PLD5: variants seen among roughly 807,000 people sequenced by gnomAD.
PLD5 encodes the protein phospholipase D family member 5.
In PLD5, 36 loss-of-function variants were observed where a neutral mutation model predicts 61.1. The observed-to-expected ratio is 0.59, with a 90% CI of 0.45 to 0.78. The LOEUF (loss-of-function observed/expected upper bound fraction) is 0.78, where lower values mean the gene tolerates loss of function less well. PLD5 is among the 30% of genes least tolerant of loss of function. PLD5 has a pLI of 0.00. For synonymous variants in PLD5, 243 were observed against 242.8 expected (o/e 1.00, Z -0.01); for missense variants, 515 against 644.4 (o/e 0.80, Z 2.17).
chr1:242,354,917 A>G (rs1025163628), intron 1 of PLD5, among the ~76,000 whole-genome samples: 10 of 152,026 alleles, frequency 6.6e-5, no homozygotes, highest in African/African-American at 2.4e-4. Context: ...AATGTGGTGT[A>G]TCACATTTAA....
intron 4 of PLD5, among the ~76,000 whole-genome samples, chr1:242,236,143 A>G (rs963231265): frequency 1.3e-5 from 2 of 152,200 alleles, no homozygotes; most frequent in Non-Finnish European, 2.9e-5. Flanking sequence ...CAGTGAGAAG[A>G]TGGCTGTCTA....
At chr1:242,304,271 C>T (rs1208784957) in intron 2 of PLD5, among the ~76,000 whole-genome samples, 1 of 152,188 alleles carries the variant, frequency 6.6e-6, no homozygotes, top group Non-Finnish European at 1.5e-5. Flanking sequence ...TAAGTTTTCT[C>T]GTGAGTGCAC....
At chr1:242,325,329 T>C (rs1215927894) in intron 2 of PLD5, among the ~76,000 whole-genome samples, 4 of 144,254 alleles carry the variant, frequency 2.8e-5, no homozygotes, top group East Asian at 2.1e-4. Flanking sequence ...GCTGACTCCA[T>C]AGGTAAGGGT....
intron 2 of PLD5, among the ~76,000 whole-genome samples, chr1:242,307,828 A>G (rs1259463442): frequency 6.6e-6 from 1 of 152,140 alleles, no homozygotes; most frequent in African/African-American, 2.4e-5. Flanking sequence ...ACATGGATGG[A>G]TTTCTATCCC....
At chr1:242,242,076 T>C (rs429753) in intron 4 of PLD5, among the ~76,000 whole-genome samples, 23,055 of 146,876 alleles carry the variant, frequency 0.16, 2,278 homozygotes, top group Non-Finnish European at 0.23. Context: ...ATGTGGAGAA[T>C]TGACAAAATG....
rs372616965 is a variant in PLD5 at position 242,498,341 on chromosome 1, TA to T, written c.189+25746del. 1.5e-3 allele frequency among the ~76,000 whole-genome samples: 226 copies of T among 152,248 alleles called. 1 individual carries two copies. Among genetic ancestry groups the T allele is most frequent in the African/African-American group, 5.3e-3 (221 of 41,554 alleles). On this transcript the variant is annotated intron_variant, in intron 1 of 9. Transcript: ENST00000536534. ...AATATAGATAAGCAAAAGTAGAAAA[TA>T]AAAATTATTCCTCATCCCATTACTC... is the stretch of plus-strand genomic sequence containing the variant.
intron 1 of PLD5, among the ~76,000 whole-genome samples, chr1:242,417,136 T>C (rs73133708): frequency 0.037 from 5,702 of 152,156 alleles, 387 homozygotes; most frequent in African/African-American, 0.13. Flanking sequence ...CAAGTAATGA[T>C]CTGAAGCAGG....
At chr1:242,376,822 C>T in intron 1 of PLD5, 3 of 1,225,254 alleles carry the variant, frequency 2.4e-6, no homozygotes, top group East Asian at 2.6e-5. Context: ...ACAGCCTAGA[C>T]AGTACTGTTA....
chr1:242,330,874 T>A (rs1217015649), intron 2 of PLD5, among the ~76,000 whole-genome samples: 1 of 152,216 alleles, frequency 6.6e-6, no homozygotes. Flanking sequence ...GTTTTACAGA[T>A]GGGGAAATAT....
chr1:242,278,195 T>G (rs1381527988), intron 3 of PLD5, among the ~76,000 whole-genome samples: 1 of 151,382 alleles, frequency 6.6e-6, no homozygotes, highest in African/African-American at 2.4e-5. Context: ...CCTATTCGAG[T>G]GAAAGTACCA....
At chr1:242,327,638 C>A (rs1658882378) in intron 2 of PLD5, among the ~76,000 whole-genome samples, 1 of 152,078 alleles carries the variant, frequency 6.6e-6, no homozygotes, top group Non-Finnish European at 1.5e-5. Context: ...GGCAAAAAGG[C>A]CATCCTAAAA....
chr1:242,345,872 G>C (rs1660099379), intron 2 of PLD5, among the ~76,000 whole-genome samples: 1 of 151,584 alleles, frequency 6.6e-6, no homozygotes, highest in Admixed American at 6.6e-5. Context: ...GTGAAGTTAG[G>C]GGAAGCAAGA....
chr1:242,441,783 T>C (rs1386217972), intron 1 of PLD5, among the ~76,000 whole-genome samples: 1 of 152,004 alleles, frequency 6.6e-6, no homozygotes, highest in Non-Finnish European at 1.5e-5. Context: ...GTCTCACCAT[T>C]GTACTTGGCA....
At chr1:242,334,734 C>T (rs965312341) in intron 2 of PLD5, among the ~76,000 whole-genome samples, 1 of 152,134 alleles carries the variant, frequency 6.6e-6, no homozygotes, top group African/African-American at 2.4e-5. Flanking sequence ...CCTTATCTGA[C>T]TAAGAGCAGA....
At chr1:242,410,241 C>T (rs1664474475) in intron 1 of PLD5, among the ~76,000 whole-genome samples, 1 of 152,102 alleles carries the variant, frequency 6.6e-6, no homozygotes, top group Non-Finnish European at 1.5e-5. Context: ...TGCATGTGAA[C>T]TGAGGTACTT....
chr1:242,512,779 C>T (rs1166175228), intron 1 of PLD5, among the ~76,000 whole-genome samples: 1 of 152,194 alleles, frequency 6.6e-6, no homozygotes, highest in African/African-American at 2.4e-5. Flanking sequence ...TTGTATATTA[C>T]CTTCTTCATC....
intron 1 of PLD5, among the ~76,000 whole-genome samples, chr1:242,423,495 T>C (rs2654885): frequency 0.67 from 102,587 of 151,990 alleles, 35,363 homozygotes; most frequent in African/African-American, 0.81. Context: ...TAACCCTGCG[T>C]AAATCATTTA....
chr1:242,448,292 C>G (rs994650971), intron 1 of PLD5, among the ~76,000 whole-genome samples: 4 of 152,134 alleles, frequency 2.6e-5, no homozygotes, highest in Non-Finnish European at 5.9e-5. Flanking sequence ...CAATTTCCCT[C>G]TTTCTGAGTT....
intron 9 of PLD5, among the ~76,000 whole-genome samples, chr1:242,094,502 C>G (rs1438746904): frequency 6.6e-6 from 1 of 152,110 alleles, no homozygotes; most frequent in Non-Finnish European, 1.5e-5. Flanking sequence ...GCAAGTATCT[C>G]AGTGATGACT....
Sources: allele counts gnomAD v4.1 joint callset (sites outside exome capture counted in the v4.1 genomes callset), GRCh38; gene constraint gnomAD v4.1.1; transcripts MANE v1.5; gene names NCBI Gene and HGNC (gene_info 2026-07-23, HGNC 2026-07-21).